Variants in TMEM242 observed in about 807,000 individuals in gnomAD.
TMEM242 encodes the protein UPF0463 transmembrane protein C6orf35.
Under a neutral mutation model 18.2 loss-of-function variants are expected in TMEM242, and 10 were observed. The ratio of observed to expected loss-of-function variants is 0.55; its 90% CI spans 0.34 to 0.93. TMEM242 has a LOEUF of 0.93. Ranked by LOEUF, TMEM242 falls within the 40% of genes least tolerant of loss-of-function variation. TMEM242 has a pLI of 0.02. For synonymous variants in TMEM242, 57 were observed against 69.9 expected (o/e 0.81, Z 0.92); for missense variants, 186 against 175.5 (o/e 1.06, Z -0.34).
chr6:157,293,019 C>A lies in TMEM242; in HGVS notation c.328-20G>T. The A allele has an allele frequency of 6.3e-7, 1 of 1,581,510 alleles. No homozygotes were observed. On this transcript the variant is annotated intron_variant, in intron 3 of 3. Coordinates refer to ENST00000400788, the MANE Select transcript of TMEM242 (RefSeq NM_018452.6). ...GTTCATCTAAAAGAAGAAAAATAAT[C>A]AGTTATCAAATGTTAAAAGAAGGAG...
At chr6:157,310,885 C>T (rs1562382311) in intron 3 of TMEM242, among the ~76,000 whole-genome samples, 1 of 151,404 alleles carries the variant, frequency 6.6e-6, no homozygotes, top group African/African-American at 2.4e-5. Flanking sequence ...CCCCAGTGTG[C>T]ACTCACCTAG....
intron 2 of TMEM242, among the ~76,000 whole-genome samples, chr6:157,321,545 T>C (rs1417438707): frequency 6.6e-6 from 1 of 152,148 alleles, no homozygotes; most frequent in Non-Finnish European, 1.5e-5. Flanking sequence ...AGTACAAGCA[T>C]CTTAGTATCA....
At chr6:157,312,887 C>A (rs1554249489) in intron 3 of TMEM242, among the ~76,000 whole-genome samples, 3 of 62,898 alleles carry the variant, frequency 4.8e-5, no homozygotes, top group Admixed American at 1.9e-4. Context: ...CTCACCTAGC[C>A]TCATCATAGT....
At chr6:157,320,249 G>A (rs1554250635) in intron 2 of TMEM242, among the ~76,000 whole-genome samples, 1 of 152,084 alleles carries the variant, frequency 6.6e-6, no homozygotes, top group Non-Finnish European at 1.5e-5. Flanking sequence ...CTGGTCTCAG[G>A]ATCCCTTTAC....
At chr6:157,322,054 C>T (rs1246200473) in intron 2 of TMEM242, among the ~76,000 whole-genome samples, 1 of 152,194 alleles carries the variant, frequency 6.6e-6, no homozygotes, top group Non-Finnish European at 1.5e-5. Flanking sequence ...GGAAACTTGA[C>T]TTTTTATGAT....
At chr6:157,308,974 T>C (rs905761003) in intron 3 of TMEM242, among the ~76,000 whole-genome samples, 1 of 152,250 alleles carries the variant, frequency 6.6e-6, no homozygotes, top group Admixed American at 6.5e-5. Context: ...AGGTTCCCTA[T>C]GGTATTTAAT....
intron 3 of TMEM242, among the ~76,000 whole-genome samples, chr6:157,295,786 A>T (rs1777741215): frequency 6.6e-6 from 1 of 152,188 alleles, no homozygotes; most frequent in Non-Finnish European, 1.5e-5. Flanking sequence ...GCCTGAGATG[A>T]GGGAAAGGAA....
chr6:157,317,885 C>T (rs1011028013), intron 3 of TMEM242, among the ~76,000 whole-genome samples: 13 of 152,196 alleles, frequency 8.5e-5, no homozygotes, highest in Non-Finnish European at 1.9e-4. Context: ...CTGTTTTCAT[C>T]AACTTTACCG....
intron 3 of TMEM242, among the ~76,000 whole-genome samples, chr6:157,311,228 T>C (rs1554248668): frequency 1.1e-3 from 124 of 109,728 alleles, no homozygotes; most frequent in East Asian, 5.9e-3. Context: ...TCACCTAGCC[T>C]CATCATAGTG....
rs782418020 is a variant in TMEM242 at position 157,323,489 on chromosome 6, G to A, written c.11C>T (p.Ala4Val). The A allele has an allele frequency of 3.1e-6, 5 of 1,613,596 alleles. No individual in the cohort carries two copies. Among genetic ancestry groups the A allele is most frequent in the Middle Eastern group, 1.6e-4 (1 of 6,080 alleles). MET[A>V]GAATGQPASG... is the part of the protein sequence containing the mutation. ...GGCCGGCTGCCCAGTTGCAGCGCCC[G>A]CTGTCTCCATGTTTAGGTCGCCTCT... is the stretch of plus-strand genomic sequence containing the variant. Residue 4 changes from alanine to valine, a missense_variant, in exon 1 of 4, where the codon GCG (alanine) becomes GTG (valine). Transcript: ENST00000400788.
chr6:157,310,967 C>G (rs367971111), intron 3 of TMEM242, among the ~76,000 whole-genome samples: 1 of 151,722 alleles, frequency 6.6e-6, no homozygotes, highest in African/African-American at 2.4e-5. Flanking sequence ...CACCTGGCCT[C>G]ATCATAGTGT....
intron 3 of TMEM242, among the ~76,000 whole-genome samples, chr6:157,311,023 C>T (rs1554248574): frequency 9.7e-5 from 14 of 143,788 alleles, no homozygotes; most frequent in Admixed American, 2.8e-4. Context: ...GTCACCTAGC[C>T]TCATCATAGT....
At chr6:157,310,353 T>A (rs1777984042) in intron 3 of TMEM242, among the ~76,000 whole-genome samples, 2 of 56 alleles carry the variant, frequency 0.036, no homozygotes, top group Middle Eastern at 0.5. Flanking sequence ...ATAAAACAAC[T>A]GAATCATAGC....
At chr6:157,316,655 G>A (rs1018192199) in intron 3 of TMEM242, among the ~76,000 whole-genome samples, 6 of 152,002 alleles carry the variant, frequency 3.9e-5, no homozygotes, top group African/African-American at 1.4e-4. Context: ...GCAGAAGATC[G>A]CTTGAGTCCA....
intron 3 of TMEM242, among the ~76,000 whole-genome samples, chr6:157,310,656 G>A (rs797031647): frequency 0.03 from 102 of 3,388 alleles, no homozygotes; most frequent in Admixed American, 0.091. Context: ...TCGCTCACCC[G>A]GCCTCATCAT....
chr6:157,312,707 C>T (rs1554249397), intron 3 of TMEM242, among the ~76,000 whole-genome samples: 2 of 148,760 alleles, frequency 1.3e-5, no homozygotes, highest in African/African-American at 5.0e-5. Flanking sequence ...CCAGTGTGCG[C>T]TCACCTGGCC....
At chr6:157,310,737 T>G (rs868940055) in intron 3 of TMEM242, among the ~76,000 whole-genome samples, 17 of 133,482 alleles carry the variant, frequency 1.3e-4, no homozygotes, top group South Asian at 4.7e-4. Context: ...CTCATCATAG[T>G]GTCCCAGTGT....
chr6:157,318,950 A>G, intron 2 of TMEM242, 31 bp from the exon 3 acceptor site: 1 of 1,580,610 alleles, frequency 6.3e-7, no homozygotes, highest in Non-Finnish European at 8.6e-7. Flanking sequence ...TGAGGTAAAA[A>G]CAATCAGTGC....
chr6:157,314,867 G>A lies in TMEM242; in HGVS notation c.327+3915C>T, dbSNP rs370418421. ...CATGTTCCCTTTTAGGCCAGCAGAT[G>A]TAGCTGCGAATTAAAATAGGAACCG... On this transcript the variant is annotated intron_variant, in intron 3 of 3. Coordinates refer to ENST00000400788, the MANE Select transcript of TMEM242 (RefSeq NM_018452.6). Among the ~76,000 whole-genome samples the A allele has an allele frequency of 3.9e-5, 6 of 152,252 alleles. No homozygotes were observed. In the East Asian group the frequency reaches 7.7e-4, roughly 20 times the overall value.
Sources: gnomAD v4.1 joint callset for allele counts (sites outside exome capture counted in the v4.1 genomes callset) on GRCh38, gnomAD v4.1.1 for gene constraint, MANE v1.5 for transcripts, NCBI Gene and HGNC (gene_info 2026-07-23, HGNC 2026-07-21) for gene names.